The following NETO1 variants were observed in gnomAD, a reference collection of about 807,000 sequenced individuals.
NETO1 encodes neuropilin and tolloid like 1.
Under a neutral mutation model 61.3 loss-of-function variants are expected in NETO1, and 26 were observed. That is an observed-to-expected ratio of 0.42 (90% CI 0.31 to 0.59). NETO1 has a LOEUF of 0.59. Ranked by LOEUF, NETO1 falls within the 20% of genes least tolerant of loss-of-function variation. The probability of loss-of-function intolerance (pLI) is 0.12; values close to 1 mark genes in which losing one functional copy is unlikely to be tolerated. For synonymous variants in NETO1, 225 were observed against 225.8 expected (o/e 1.00, Z 0.03); for missense variants, 531 against 662.8 (o/e 0.80, Z 2.18).
At position 72,772,611 on chromosome 18, in the gene NETO1, C is replaced by G. The variant is rs189699221; in HGVS notation, c.868+11067G>C. Among the ~76,000 whole-genome samples, 27 of 151,510 alleles carry G rather than the reference C, an allele frequency of 1.8e-4. No homozygotes were observed. In the East Asian group the frequency reaches 5.1e-3, roughly 29 times the overall value. ...ATGAATTCATAACAGTTCTGAAGTC[C>G]ATCAGGGTAAACTCAAATTCTTCTT... On this transcript the variant is annotated intron_variant, in intron 7 of 10. Coordinates refer to ENST00000327305, the MANE Select transcript of NETO1 (RefSeq NM_138966.5).
At position 72,867,502 on chromosome 18, in the gene NETO1, C is replaced by A. The variant is rs560605992; in HGVS notation, c.-211G>T. The A allele has an allele frequency of 1.3e-3, 515 of 393,110 alleles. 3 individuals are homozygous for A. Among genetic ancestry groups the A allele is most frequent in the Non-Finnish European group, 1.9e-3 (433 of 222,298 alleles). The allele number at this position is 393,110 out of a possible 1,614,324, so 24.4% of individuals were successfully genotyped here. A position where few individuals can be genotyped will look rare whatever the true frequency, so the allele number is the denominator to read the frequency against. The stretch of plus-strand genomic sequence containing the variant: ...GGATGAGTCCGTCCTCCGCCCCGGG[C>A]GGGCTCTCGCTCTCGCTGGCCCTCA... On this transcript the variant is annotated 5_prime_UTR_variant, in exon 1 of 11. Transcript: ENST00000327305.
At chr18:72,864,178 G>T in intron 3 of NETO1, among the ~76,000 whole-genome samples, 1 of 151,970 alleles carries the variant, frequency 6.6e-6, no homozygotes, top group East Asian at 1.9e-4. Context: ...AAAAAAAAGT[G>T]TTTACAAGGT....
chr18:72,842,177 A>G (rs1435635136), intron 4 of NETO1, among the ~76,000 whole-genome samples: 3 of 152,196 alleles, frequency 2.0e-5, no homozygotes, highest in Non-Finnish European at 4.4e-5. Flanking sequence ...AATGTTCAAA[A>G]TAAAGAAGGC....
intron 4 of NETO1, among the ~76,000 whole-genome samples, chr18:72,838,840 CT>C (rs1398453611): frequency 6.6e-6 from 1 of 152,078 alleles, no homozygotes; most frequent in Non-Finnish European, 1.5e-5. Context: ...CAACAATTGT[CT>C]TTAGAATTTT....
intron 7 of NETO1, among the ~76,000 whole-genome samples, chr18:72,760,855 T>C (rs910079059): frequency 5.9e-5 from 9 of 152,212 alleles, no homozygotes; most frequent in Non-Finnish European, 1.3e-4. Flanking sequence ...GCAAATTCAC[T>C]AACTTTTTCA....
intron 4 of NETO1, among the ~76,000 whole-genome samples, chr18:72,824,200 AG>A (rs1333559507): frequency 5.9e-5 from 9 of 152,352 alleles, no homozygotes; most frequent in African/African-American, 2.2e-4. Context: ...CTCAGTAAAT[AG>A]AGCTCCCAGA....
chr18:72,794,833 C>G (rs1191868567), intron 4 of NETO1, among the ~76,000 whole-genome samples: 2 of 152,138 alleles, frequency 1.3e-5, no homozygotes, highest in Non-Finnish European at 2.9e-5. Context: ...TAGATACTAT[C>G]CTCTTTTCTG....
At chr18:72,867,198 G>C (rs375313365) in intron 1 of NETO1, 66 bp downstream of exon 1, 8 of 1,273,292 alleles carry the variant, frequency 6.3e-6, no homozygotes, top group Non-Finnish European at 8.6e-6. Flanking sequence ...CTGCGCGTTC[G>C]GCCCCGGGAA....
intron 4 of NETO1, chr18:72,834,541 T>G (rs1599111231): frequency 1.0e-6 from 1 of 971,274 alleles, no homozygotes; most frequent in East Asian, 1.1e-4. Context: ...ATATATAATA[T>G]AAAAGCAATG....
intron 7 of NETO1, among the ~76,000 whole-genome samples, chr18:72,773,008 T>G (rs898170406): frequency 1.4e-4 from 21 of 151,512 alleles, no homozygotes; most frequent in African/African-American, 4.8e-4. Context: ...CTCAGTAATT[T>G]ACTTAGCTAC....
intron 3 of NETO1, 52 bp downstream of exon 3, chr18:72,864,756 T>C (rs2074682473): frequency 9.3e-6 from 15 of 1,611,050 alleles, no homozygotes; most frequent in Admixed American, 5.1e-5. Context: ...AGCACAGAGA[T>C]GGCAAGGTTT....
At chr18:72,815,831 A>G (rs1015743824) in intron 4 of NETO1, among the ~76,000 whole-genome samples, 1 of 152,146 alleles carries the variant, frequency 6.6e-6, no homozygotes, top group African/African-American at 2.4e-5. Flanking sequence ...ATCCTACTGG[A>G]TATAACACAG....
At position 72,830,701 on chromosome 18, in the gene NETO1, A is replaced by G. The variant is rs920750962; in HGVS notation, c.469+28125T>C. Among the ~76,000 whole-genome samples, 8 of 152,160 alleles carry G rather than the reference A, an allele frequency of 5.3e-5. No homozygotes were observed. Among genetic ancestry groups the G allele is most frequent in the African/African-American group, 1.7e-4 (7 of 41,440 alleles). On this transcript the variant is annotated intron_variant, in intron 4 of 10. Transcript: ENST00000327305. The surrounding 1 kb of genome is among the most constrained non-coding windows in gnomAD (Gnocchi z 4.9). ...GATTCCTAGTTGAACTGAGTCTTGC[A>G]TAAAGCAACAAAAGATGAATTTTAA...
At chr18:72,769,798 TATCA>T (rs1335002124) in intron 7 of NETO1, among the ~76,000 whole-genome samples, 1 of 152,114 alleles carries the variant, frequency 6.6e-6, no homozygotes, top group African/African-American at 2.4e-5. Context: ...AAAATATCAG[TATCA>T]ATCTACCACA....
chr18:72,785,852 A>T (rs1370526658), intron 6 of NETO1, among the ~76,000 whole-genome samples: 1 of 152,172 alleles, frequency 6.6e-6, no homozygotes, highest in African/African-American at 2.4e-5. Context: ...AGACAGTTCA[A>T]CGGTTGCACA....
chr18:72,790,683 A>G (rs1241480461), intron 6 of NETO1, among the ~76,000 whole-genome samples: 2 of 152,126 alleles, frequency 1.3e-5, no homozygotes, highest in African/African-American at 4.8e-5. Context: ...CTCTAGTTTC[A>G]AACTTTCAAA....
At chr18:72,762,726 G>A (rs2071019543) in intron 7 of NETO1, among the ~76,000 whole-genome samples, 1 of 152,062 alleles carries the variant, frequency 6.6e-6, no homozygotes, top group South Asian at 2.1e-4. Flanking sequence ...ACAAGGTGGC[G>A]AACTTACATC....
At chr18:72,835,269 G>T in intron 4 of NETO1, 3 of 1,570,092 alleles carry the variant, frequency 1.9e-6, no homozygotes, top group South Asian at 1.2e-5. Context: ...GATGGAGAAG[G>T]AGAGATCACG....
rs1271809167 is a variant in NETO1 at position 72,750,488 on chromosome 18, T to C, written c.1115A>G (p.Tyr372Cys). 1.2e-6 allele frequency: 2 copies of C among 1,614,132 alleles called. No homozygotes were observed. Among genetic ancestry groups the C allele is most frequent in the Middle Eastern group, 1.6e-4 (1 of 6,062 alleles). The change falls in exon 9 of 11, where the codon TAT (tyrosine) becomes TGT (cysteine). Residue 372 changes from tyrosine (Y) to cysteine (C), a missense_variant. Transcript: ENST00000327305. ...GTCAAAGTCTGATTTCCTTTGGACA[T>C]ACTTTTTACGAGGCTGTTTGATCTG... ...IVQIKQPRKK[Y>C]VQRKSDFDQT...
Sources: gnomAD v4.1 joint callset for allele counts (sites outside exome capture counted in the v4.1 genomes callset) on GRCh38, gnomAD v4.1.1 for gene constraint, Gnocchi (gnomAD v3.1) non-coding constraint, MANE v1.5 for transcripts, NCBI Gene and HGNC (gene_info 2026-07-23, HGNC 2026-07-21) for gene names.